The following ADAMTS14 variants were observed in gnomAD, a reference collection of about 807,000 sequenced individuals.
ADAMTS14 encodes A disintegrin and metalloproteinase with thrombospondin motifs 14.
Under a neutral mutation model 128.6 loss-of-function variants are expected in ADAMTS14, and 100 were observed. The ratio of observed to expected loss-of-function variants is 0.78; its 90% CI spans 0.66 to 0.92. ADAMTS14 has a LOEUF of 0.92. Among genes scored for constraint, ADAMTS14 ranks in the 40% least tolerant of loss-of-function variants. The probability of loss-of-function intolerance (pLI) is 0.00; values close to 1 mark genes in which losing one functional copy is unlikely to be tolerated. For synonymous variants in ADAMTS14, 665 were observed against 653.8 expected (o/e 1.02, Z -0.26); for missense variants, 1,562 against 1,658.6 (o/e 0.94, Z 1.01).
chr10:70,702,383 G>A lies in ADAMTS14; in HGVS notation c.594G>A (p.Glu198=), dbSNP rs201260006. Residue 198 remains glutamate (E), a synonymous_variant, in exon 3 of 22, where the codon GAG becomes GAA. Coordinates refer to ENST00000373207, the MANE Select transcript of ADAMTS14 (RefSeq NM_080722.4). ...EPLERGQQEK[E]ASGRTHVVYR... ...TGGAGCGGGGCCAGCAGGAGAAGGA[G>A]GCCAGCGGGAGGACACATGTGGTGT... The A allele has an allele frequency of 3.3e-5, 54 of 1,614,172 alleles. No individual in the cohort carries two copies. In the East Asian group the frequency reaches 1.2e-3, roughly 35 times the overall value.
At position 70,752,094 on chromosome 10, in the gene ADAMTS14, G is replaced by A. The variant is rs758488698; in HGVS notation, c.2597-1G>A. On this transcript the variant is annotated splice_acceptor_variant, in intron 17 of 21. Coordinates refer to ENST00000373207, the MANE Select transcript of ADAMTS14 (RefSeq NM_080722.4). LOFTEE classifies it high-confidence loss of function. ...CCCACGGCAGCCTGCCCACCCCATA[G>A]GGATCCAGTTCACCAAATACGGCTG... The A allele has an allele frequency of 1.9e-6, 3 of 1,612,356 alleles. No individual in the cohort carries two copies. Among genetic ancestry groups the A allele is most frequent in the Admixed American group, 3.3e-5 (2 of 59,918 alleles).
chr10:70,717,166 G>A (rs569090410), intron 4 of ADAMTS14, among the ~76,000 whole-genome samples: 2 of 152,188 alleles, frequency 1.3e-5, no homozygotes, highest in Admixed American at 6.5e-5. Context: ...GACTCCCATC[G>A]TGGAAGTTTT....
In ADAMTS14 at chr10:70,675,329, C is replaced by T. The variant is rs826465; in HGVS notation, c.522+334C>T. Among the ~76,000 whole-genome samples the T allele has an allele frequency of 2.8e-3, 419 of 152,286 alleles. 4 individuals carry two copies. The highest frequency in any genetic ancestry group is 9.7e-3 in the African/African-American group (402 of 41,566). ...TGAGGATTTGGATGAGTTAACCTCT[C>T]TGTGGTTCTTTCCCTTATTTATTTT... On this transcript the variant is annotated intron_variant, in intron 2 of 21. Transcript: ENST00000373207.
intron 2 of ADAMTS14, among the ~76,000 whole-genome samples, chr10:70,689,460 AG>A (rs957604567): frequency 3.4e-5 from 5 of 145,116 alleles, no homozygotes; most frequent in African/African-American, 9.8e-5. Flanking sequence ...GCTGGGTGAA[AG>A]GGGCATTCCT....
At chr10:70,735,037 G>A (rs1040749865) in intron 8 of ADAMTS14, 132 bp from the exon 9 acceptor site, 346 of 1,197,968 alleles carry the variant, frequency 2.9e-4, no homozygotes, top group Non-Finnish European at 3.7e-4. Flanking sequence ...CCCTGGAAGA[G>A]ACAGCGCTGG....
intron 11 of ADAMTS14, among the ~76,000 whole-genome samples, chr10:70,739,874 A>G (rs1214925706): frequency 6.6e-6 from 1 of 152,216 alleles, no homozygotes; most frequent in Admixed American, 6.5e-5. Context: ...CCGTATAGTT[A>G]ATATGGACAG....
chr10:70,687,262 C>T (rs1474299691), intron 2 of ADAMTS14, among the ~76,000 whole-genome samples: 13 of 106,674 alleles, frequency 1.2e-4, no homozygotes, highest in Admixed American at 1.9e-4. Flanking sequence ...CCCTCCCGGA[C>T]GAGGCGGCTG....
intron 6 of ADAMTS14, 119 bp downstream of exon 6, chr10:70,730,368 A>G (rs1203038699): frequency 2.2e-6 from 3 of 1,373,086 alleles, no homozygotes; most frequent in Admixed American, 4.8e-5. Flanking sequence ...GTTTGAAGGG[A>G]TGGGACCTGG....
intron 14 of ADAMTS14, among the ~76,000 whole-genome samples, chr10:70,744,711 C>A (rs1456032817): frequency 1.3e-5 from 2 of 152,146 alleles, no homozygotes; most frequent in African/African-American, 4.8e-5. Context: ...TAAATGGGGC[C>A]TATTTTCCCT....
At chr10:70,721,535 G>A (rs1295925529) in intron 4 of ADAMTS14, among the ~76,000 whole-genome samples, 1 of 151,734 alleles carries the variant, frequency 6.6e-6, no homozygotes, top group African/African-American at 2.4e-5. Flanking sequence ...ACAGGTACCC[G>A]CCACCACGCC....
chr10:70,683,088 C>T (rs576498369), intron 2 of ADAMTS14, among the ~76,000 whole-genome samples: 5 of 152,246 alleles, frequency 3.3e-5, no homozygotes, highest in African/African-American at 4.8e-5. Context: ...TGCCCTCCTG[C>T]GCCCTGGCAG....
intron 4 of ADAMTS14, among the ~76,000 whole-genome samples, chr10:70,727,075 G>A (rs370610212): frequency 6.6e-6 from 1 of 152,216 alleles, no homozygotes; most frequent in African/African-American, 2.4e-5. Context: ...GCCTGACACC[G>A]GCTGCTCTGA....
chr10:70,678,718 G>A (rs895926515), intron 2 of ADAMTS14, among the ~76,000 whole-genome samples: 19 of 152,124 alleles, frequency 1.2e-4, no homozygotes, highest in African/African-American at 3.9e-4. Context: ...TAATGGCTGC[G>A]TGACTCTGAG....
Position 70,672,732 on chromosome 10 carries a change from C to A in ADAMTS14, c.-71C>A. 7.0e-7 allele frequency: 1 copy of A among 1,431,108 alleles called. No individual in the cohort carries two copies. The highest frequency in any genetic ancestry group is 9.1e-7 in the Non-Finnish European group (1 of 1,097,618). The allele number at this position is 1,431,108 out of a possible 1,614,324, so 88.7% of individuals were successfully genotyped here. On this transcript the variant is annotated 5_prime_UTR_variant, in exon 1 of 22. Coordinates refer to ENST00000373207, the MANE Select transcript of ADAMTS14 (RefSeq NM_080722.4). Reference sequence around the variant, plus strand: ...GTGCTCCGACAGCCCGGGGCGCACCCTAGCCTCGCCGCCCTCAGCCTGGGA... The same window carrying A: ...GTGCTCCGACAGCCCGGGGCGCACCATAGCCTCGCCGCCCTCAGCCTGGGA...
intron 2 of ADAMTS14, among the ~76,000 whole-genome samples, chr10:70,685,879 GGGGA>G (rs1839938093): frequency 6.6e-6 from 1 of 152,162 alleles, no homozygotes; most frequent in South Asian, 2.1e-4. Context: ...CCACTATGAG[GGGGA>G]GGGCTGCTTA....
intron 2 of ADAMTS14, among the ~76,000 whole-genome samples, chr10:70,687,329 G>A (rs1213129174): frequency 1.1e-5 from 1 of 87,952 alleles, no homozygotes; most frequent in East Asian, 1.3e-3. Context: ...CTGGCCGGGC[G>A]GGGGGCCGAC....
intron 6 of ADAMTS14, 23 bp from the exon 7 acceptor site, chr10:70,732,231 C>G: frequency 6.2e-7 from 1 of 1,609,186 alleles, no homozygotes; most frequent in Non-Finnish European, 8.5e-7. Flanking sequence ...TCGCTCTCCA[C>G]CTTTTCTTTC....
At chr10:70,703,502 C>T (rs1840558448) in intron 3 of ADAMTS14, among the ~76,000 whole-genome samples, 1 of 152,186 alleles carries the variant, frequency 6.6e-6, no homozygotes, top group Admixed American at 6.5e-5. Context: ...GGCACCAGAG[C>T]CAGAGGGTTC....
intron 18 of ADAMTS14, 84 bp downstream of exon 18, chr10:70,752,311 C>G (rs1842374498): frequency 6.4e-7 from 1 of 1,554,622 alleles, no homozygotes; most frequent in Admixed American, 1.9e-5. Context: ...GCCTGCTCCC[C>G]TCAGCACTGG....
Sources: gnomAD v4.1 joint callset for allele counts (sites outside exome capture counted in the v4.1 genomes callset) on GRCh38, gnomAD v4.1.1 for gene constraint, MANE v1.5 for transcripts, NCBI Gene and HGNC (gene_info 2026-07-23, HGNC 2026-07-21) for gene names.